CLPX: variants seen among roughly 807,000 people sequenced by gnomAD.
CLPX encodes ATP-dependent clpX-like chaperone, mitochondrial.
Under a neutral mutation model 76.4 loss-of-function variants are expected in CLPX, and 34 were observed. The ratio of observed to expected loss-of-function variants is 0.45; its 90% confidence interval spans 0.34 to 0.59. The LOEUF (loss-of-function observed/expected upper bound fraction) is 0.59, where lower values mean the gene tolerates loss of function less well. Ranked by LOEUF, CLPX falls within the 20% of genes least tolerant of loss-of-function variation. CLPX has a pLI of 0.01. For missense variants in CLPX, 613 were observed against 757.0 expected (o/e 0.81, Z 2.23); for synonymous variants, 248 against 270.9 (o/e 0.92, Z 0.83).
intron 3 of CLPX, among the ~76,000 whole-genome samples, chr15:65,176,724 T>C (rs1167135855): frequency 6.6e-6 from 1 of 151,466 alleles, no homozygotes; most frequent in Non-Finnish European, 1.5e-5. Flanking sequence ...GCTTCCTGAG[T>C]AGTTGGGATT....
At chr15:65,174,567 C>T (rs1180122573) in intron 3 of CLPX, among the ~76,000 whole-genome samples, 8 of 152,054 alleles carry the variant, frequency 5.3e-5, no homozygotes, top group African/African-American at 1.9e-4. Flanking sequence ...CGGGCCACAA[C>T]TTGGTAAATA....
chr15:65,173,255 A>C (rs2088036876), intron 3 of CLPX, among the ~76,000 whole-genome samples: 1 of 151,400 alleles, frequency 6.6e-6, no homozygotes, highest in South Asian at 2.1e-4. Flanking sequence ...CTATAATCCC[A>C]GCTACTTGGG....
intron 3 of CLPX, among the ~76,000 whole-genome samples, chr15:65,177,473 A>G (rs895760078): frequency 4.6e-5 from 7 of 152,202 alleles, no homozygotes; most frequent in Non-Finnish European, 4.4e-5. Flanking sequence ...ATAAAAACAC[A>G]CTACATCTAG....
chr15:65,153,069 T>C (rs1447968601), intron 12 of CLPX, among the ~76,000 whole-genome samples: 1 of 151,894 alleles, frequency 6.6e-6, no homozygotes, highest in African/African-American at 2.4e-5. Context: ...GTGTCATTAA[T>C]CATATTATGT....
chr15:65,158,472 C>G, intron 7 of CLPX, 103 bp downstream of exon 7: 1 of 949,394 alleles, frequency 1.1e-6, no homozygotes. Flanking sequence ...CTTAGATTTT[C>G]TTCTCAAGAG....
At chr15:65,165,415 G>A (rs1468992664) in intron 4 of CLPX, among the ~76,000 whole-genome samples, 1 of 111,148 alleles carries the variant, frequency 9.0e-6, no homozygotes, top group African/African-American at 3.5e-5. Context: ...ACGGAGTCTC[G>A]CTCTTTCACC....
Position 65,174,514 on chromosome 15 carries a change from C to T in CLPX, c.358+4420G>A, listed in dbSNP as rs183342028. The stretch of plus-strand genomic sequence containing the variant: ...TCCTGACCTCATGATCTGCCCACCT[C>T]GGCCTCCCAAAGTGCTGGGATTACA... On this transcript the variant is annotated intron_variant, in intron 3 of 13. Coordinates refer to ENST00000300107, the MANE Select transcript of CLPX (RefSeq NM_006660.5). 3.2e-3 allele frequency among the ~76,000 whole-genome samples: 464 copies of T among 145,374 alleles called. 3 individuals are homozygous for T. Among genetic ancestry groups the T allele is most frequent in the Non-Finnish European group, 3.8e-3 (251 of 66,060 alleles).
intron 3 of CLPX, among the ~76,000 whole-genome samples, chr15:65,169,103 A>C (rs2140635084): frequency 6.7e-6 from 1 of 149,132 alleles, no homozygotes; most frequent in East Asian, 2.0e-4. Flanking sequence ...GCCTCACTGC[A>C]AGCTCCACCT....
chr15:65,160,628 C>A (rs944936782), intron 6 of CLPX, among the ~76,000 whole-genome samples: 7 of 130,922 alleles, frequency 5.3e-5, no homozygotes, highest in Non-Finnish European at 9.4e-5. Flanking sequence ...CTCTCTCACA[C>A]ACACACACAC....
At chr15:65,169,581 T>G (rs2087969968) in intron 3 of CLPX, among the ~76,000 whole-genome samples, 1 of 151,916 alleles carries the variant, frequency 6.6e-6, no homozygotes, top group African/African-American at 2.4e-5. Context: ...TAGCCGGGCA[T>G]GGTAACTACC....
chr15:65,157,225 G>A (rs2087801380), intron 8 of CLPX, among the ~76,000 whole-genome samples: 1 of 152,200 alleles, frequency 6.6e-6, no homozygotes, highest in South Asian at 2.1e-4. Flanking sequence ...GAAGCAGGAG[G>A]TATCTGCAGT....
intron 3 of CLPX, among the ~76,000 whole-genome samples, chr15:65,168,897 C>A (rs2087958135): frequency 6.6e-6 from 1 of 151,248 alleles, no homozygotes; most frequent in African/African-American, 2.4e-5. Flanking sequence ...CGCTCTGTTG[C>A]CCAGGCTGAA....
intron 3 of CLPX, among the ~76,000 whole-genome samples, chr15:65,176,983 T>C (rs2088098960): frequency 6.6e-6 from 1 of 152,178 alleles, no homozygotes; most frequent in Non-Finnish European, 1.5e-5. Context: ...TATAAGACAC[T>C]GACCTTATAA....
In CLPX at chr15:65,168,383, C is replaced by CAAAAAAAAAAAAA. The variant is rs71136319; in HGVS notation, c.359-1611_359-1599dup. ...TGGGCGACAAAGTGAGACTCTGTCT[C>CAAAAAAAAAAAAA]AAAAAAAAAAAAAAAAAAAAAAAAA... On this transcript the variant is annotated intron_variant, in intron 3 of 13. Coordinates refer to ENST00000300107, the MANE Select transcript of CLPX (RefSeq NM_006660.5). Among the ~76,000 whole-genome samples, 39 of 35,660 alleles carry CAAAAAAAAAAAAA rather than the reference C, an allele frequency of 1.1e-3. 4 individuals are homozygous for CAAAAAAAAAAAAA. The highest frequency in any genetic ancestry group is 1.1e-3 in the Non-Finnish European group (25 of 22,324). The allele number at this position is 35,660 out of a possible 152,430, so 23.4% of individuals were successfully genotyped here.
At chr15:65,170,500 C>T (rs2087987010) in intron 3 of CLPX, among the ~76,000 whole-genome samples, 1 of 152,118 alleles carries the variant, frequency 6.6e-6, no homozygotes. Flanking sequence ...CGGGGTGGCT[C>T]AGGCCTGTAA....
chr15:65,150,560 A>C lies in CLPX; in HGVS notation c.*263T>G, dbSNP rs765916502. 1 of 278,034 alleles carries C rather than the reference A, an allele frequency of 3.6e-6. No homozygotes were observed. The highest frequency in any genetic ancestry group is 6.6e-6 in the Non-Finnish European group (1 of 150,868). 17.2% of individuals were successfully genotyped at this position (278,034 alleles called of 1,614,324 possible). The stretch of plus-strand genomic sequence containing the variant: ...AAAGAATTCCTAAGAATTTTGTTAA[A>C]GCATATTTTTTTTAAAAAACTGAAC... On this transcript the variant is annotated 3_prime_UTR_variant, in exon 14 of 14. Transcript: ENST00000300107.
intron 2 of CLPX, among the ~76,000 whole-genome samples, chr15:65,179,748 T>C (rs1318351616): frequency 6.6e-6 from 1 of 152,212 alleles, no homozygotes; most frequent in Non-Finnish European, 1.5e-5. Flanking sequence ...AAGAGTTATA[T>C]GAAAGCAGGA....
At position 65,185,291 on chromosome 15, in the gene CLPX, G is replaced by C; in HGVS notation, c.-138C>G. The C allele has an allele frequency of 1.5e-6, 1 of 651,494 alleles. No individual in the cohort carries two copies. The highest frequency in any genetic ancestry group is 2.7e-6 in the Non-Finnish European group (1 of 375,264). 40.4% of individuals were successfully genotyped at this position (651,494 alleles called of 1,614,324 possible). Reference sequence around the variant, plus strand: ...GACCCCGTGGAGAGTTCACCTGCCCGGCAGCCAGGCCTTCACGCTTCTCTG... The same window carrying C: ...GACCCCGTGGAGAGTTCACCTGCCCCGCAGCCAGGCCTTCACGCTTCTCTG... On this transcript the variant is annotated 5_prime_UTR_variant, in exon 1 of 14. Coordinates refer to ENST00000300107, the MANE Select transcript of CLPX (RefSeq NM_006660.5).
intron 3 of CLPX, 123 bp downstream of exon 3, chr15:65,178,811 T>C (rs1303288622): frequency 4.3e-6 from 2 of 470,192 alleles, no homozygotes; most frequent in African/African-American, 2.0e-5. Flanking sequence ...GCTAGGATTA[T>C]AGGCATAAGC....
Sources: gnomAD v4.1 joint callset for allele counts (sites outside exome capture counted in the v4.1 genomes callset) on GRCh38, gnomAD v4.1.1 for gene constraint, MANE v1.5 for transcripts, NCBI Gene and HGNC (gene_info 2026-07-23, HGNC 2026-07-21) for gene names.